Variants in RAB12 observed in about 807,000 individuals in gnomAD.
RAB12 encodes the protein RAB12, member RAS oncogene family, also known as ras-related protein Rab-12.
A neutral mutation model predicts 28.4 loss-of-function variants in RAB12; 11 were observed. That is an observed-to-expected ratio of 0.39 (90% CI 0.24 to 0.64). The LOEUF is 0.64. Ranked by LOEUF, RAB12 falls within the 30% of genes least tolerant of loss-of-function variation. RAB12 has a pLI of 0.50. For missense variants in RAB12, 276 were observed against 351.1 expected (o/e 0.79, Z 1.71); for synonymous variants, 138 against 145.3 (o/e 0.95, Z 0.36).
At chr18:8,618,234 C>G (rs908383688) in intron 1 of RAB12, among the ~76,000 whole-genome samples, 1 of 152,086 alleles carries the variant, frequency 6.6e-6, no homozygotes, top group South Asian at 2.1e-4. Flanking sequence ...TGGGTGGGAG[C>G]GTGCCAACCC....
rs184470375 is a variant in RAB12 at position 8,635,588 on chromosome 18, C to T, written c.770C>T (p.Thr257Met). 1.4e-5 allele frequency: 23 copies of T among 1,612,510 alleles called. No individual in the cohort carries two copies. The highest frequency in any genetic ancestry group is 1.0e-4 in the Admixed American group (6 of 59,766). The stretch of plus-strand genomic sequence containing the variant: ...GTTGGAAATAAGTTGGACTGTGAAA[C>T]GGACAGAGAAATCACCAGGCAGCAG... ...LLVGNKLDCE[T>M]DREITRQQGE... Residue 257 changes from threonine to methionine, a missense_variant, in exon 4 of 6, where the codon ACG (threonine) becomes ATG (methionine). By Grantham distance (81) the Thr-to-Met change is moderately conservative. Coordinates refer to ENST00000649141, the MANE Select transcript of RAB12 (RefSeq NM_001025300.3).
In RAB12 at chr18:8,609,632, C is replaced by T; in HGVS notation, c.193C>T (p.Arg65Cys). The change falls in exon 1 of 6, where the codon CGC becomes TGC. Residue 65 changes from arginine to cysteine, a missense_variant. Arg to Cys is a radical substitution (Grantham distance 180). Transcript: ENST00000649141. Reference sequence around the variant, plus strand: ...AGCCGAGCCCGGGGCCGACCCCCCGCGCGCGGCGGAGGCCGAGGGGGCGCC... The same window carrying T: ...AGCCGAGCCCGGGGCCGACCCCCCGTGCGCGGCGGAGGCCGAGGGGGCGCC... ...AEAEPGADPP[R>C]AAEAEGAPGP... 1.8e-6 allele frequency: 1 copy of T among 549,982 alleles called. No homozygotes were observed. The highest frequency in any genetic ancestry group is 2.3e-6 in the Non-Finnish European group (1 of 435,268). 34.1% of individuals were successfully genotyped at this position (549,982 alleles called of 1,614,324 possible).
intron 2 of RAB12, among the ~76,000 whole-genome samples, 161 bp downstream of exon 2, chr18:8,625,159 T>G (rs2096011975): frequency 6.6e-6 from 1 of 152,228 alleles, no homozygotes; most frequent in Admixed American, 6.5e-5. Context: ...AGAGAGAGAA[T>G]TTAGATAAGG....
In RAB12 at chr18:8,635,612, A is replaced by G. The variant is rs764033640; in HGVS notation, c.794A>G (p.Gln265Arg). 67 of 1,612,060 alleles carry G rather than the reference A, an allele frequency of 4.2e-5. No individual in the cohort carries two copies. The Admixed American group carries it at 5.4e-4, about 13-fold the overall frequency. ...CETDREITRQ[Q>R]GEKFAQQITG... ...ACGGACAGAGAAATCACCAGGCAGC[A>G]GGGGGAAAAGGTGAGAGGGCGTGGG... Residue 265 changes from glutamine (Q) to arginine (R), a missense_variant, in exon 4 of 6, where the codon CAG (glutamine) becomes CGG (arginine). Gln to Arg is a conservative substitution (Grantham distance 43). Coordinates refer to ENST00000649141, the MANE Select transcript of RAB12 (RefSeq NM_001025300.3).
intron 1 of RAB12, among the ~76,000 whole-genome samples, chr18:8,621,787 G>A (rs1037722303): frequency 6.9e-6 from 1 of 145,370 alleles, no homozygotes; most frequent in Non-Finnish European, 1.5e-5. Context: ...TCACCCTCAG[G>A]TAGGCCCCAG....
At chr18:8,624,446 T>C (rs2096011590) in intron 1 of RAB12, among the ~76,000 whole-genome samples, 1 of 152,238 alleles carries the variant, frequency 6.6e-6, no homozygotes, top group South Asian at 2.1e-4. Context: ...TAATGTTATG[T>C]TTATATTTAC....
At chr18:8,636,028 C>G (rs1193338865) in intron 4 of RAB12, among the ~76,000 whole-genome samples, 2 of 152,228 alleles carry the variant, frequency 1.3e-5, no homozygotes, top group African/African-American at 4.8e-5. Flanking sequence ...ACTGATTTGA[C>G]TGGAAGGTCC....
At chr18:8,611,820 A>G (rs530723201) in intron 1 of RAB12, among the ~76,000 whole-genome samples, 1 of 152,234 alleles carries the variant, frequency 6.6e-6, no homozygotes, top group African/African-American at 2.4e-5. Context: ...CATACTCCCT[A>G]CTCTGAGTGT....
chr18:8,623,936 A>G (rs1353300173), intron 1 of RAB12, among the ~76,000 whole-genome samples: 1 of 152,256 alleles, frequency 6.6e-6, no homozygotes, highest in Admixed American at 6.5e-5. Flanking sequence ...AAAATCGGTC[A>G]CATGTCTTCC....
intron 1 of RAB12, among the ~76,000 whole-genome samples, chr18:8,618,178 A>G (rs1213647597): frequency 6.6e-6 from 1 of 152,088 alleles, no homozygotes; most frequent in African/African-American, 2.4e-5. Context: ...AGTCAAGTGC[A>G]AGGCTGTCTC....
chr18:8,615,478 A>G (rs1660235347), intron 1 of RAB12, among the ~76,000 whole-genome samples: 1 of 152,200 alleles, frequency 6.6e-6, no homozygotes, highest in Admixed American at 6.5e-5. Context: ...ATTAAGGAAA[A>G]TCATCCAGAA....
chr18:8,633,378 AATC>A, intron 3 of RAB12, 51 bp downstream of exon 3: 1 of 1,590,198 alleles, frequency 6.3e-7, no homozygotes, highest in Non-Finnish European at 8.6e-7. Context: ...TGTGAGTCTT[AATC>A]ATTATTAAAA....
intron 1 of RAB12, among the ~76,000 whole-genome samples, chr18:8,612,957 T>TA (rs1220674246): frequency 6.6e-6 from 1 of 152,250 alleles, no homozygotes; most frequent in African/African-American, 2.4e-5. Flanking sequence ...TCCTGACCAG[T>TA]AAGTGCCCTT....
Position 8,632,282 on chromosome 18 carries a change from CAAAAAAAAAA to C in RAB12, c.576-896_576-887del, listed in dbSNP as rs397859076. Among the ~76,000 whole-genome samples the C allele has an allele frequency of 6.8e-5, 4 of 58,804 alleles. No individual in the cohort carries two copies. In the South Asian group the frequency reaches 2.0e-3, roughly 30 times the overall value. 38.6% of individuals were successfully genotyped at this position (58,804 alleles called of 152,430 possible). A position where few individuals can be genotyped will look rare whatever the true frequency, so the allele number is the denominator to read the frequency against. ...GGGTGACAGAGCTAGACTCTGTCTCCAAAAAAAAAAAAAAAAAAAAGTAATTGGGACTTAT... is the reference window on the plus strand; with the variant it reads ...GGGTGACAGAGCTAGACTCTGTCTCCAAAAAAAAAAGTAATTGGGACTTAT... On this transcript the variant is annotated intron_variant, in intron 2 of 5. Transcript: ENST00000649141.
intron 1 of RAB12, among the ~76,000 whole-genome samples, chr18:8,613,860 A>G: frequency 6.6e-6 from 1 of 151,808 alleles, no homozygotes; most frequent in South Asian, 2.1e-4. Flanking sequence ...TAGTAGTAGT[A>G]GTAGTAGTGG....
intron 1 of RAB12, among the ~76,000 whole-genome samples, chr18:8,619,944 C>T (rs2096008823): frequency 6.6e-6 from 1 of 151,972 alleles, no homozygotes; most frequent in African/African-American, 2.4e-5. Context: ...TGAGACCAGC[C>T]TGGGCAACAT....
At chr18:8,635,393 G>A (rs2096018283) in intron 3 of RAB12, 140 bp from the exon 4 acceptor site, 3 of 641,084 alleles carry the variant, frequency 4.7e-6, no homozygotes, top group Non-Finnish European at 8.1e-6. Flanking sequence ...GTCCTGCCTG[G>A]GAACTGGTAG....
intron 1 of RAB12, among the ~76,000 whole-genome samples, chr18:8,612,377 C>T (rs970742188): frequency 1.3e-5 from 2 of 152,036 alleles, no homozygotes; most frequent in Admixed American, 6.5e-5. Flanking sequence ...CTTACCTGAA[C>T]GCTTACCATT....
chr18:8,610,085 G>A, intron 1 of RAB12, 132 bp downstream of exon 1: 3 of 665,500 alleles, frequency 4.5e-6, no homozygotes, highest in East Asian at 3.2e-5. Flanking sequence ...CTAGGGGCGG[G>A]GGTCTCCTTG....
Sources: allele counts gnomAD v4.1 joint callset (sites outside exome capture counted in the v4.1 genomes callset), GRCh38; gene constraint gnomAD v4.1.1; transcripts MANE v1.5; gene names NCBI Gene and HGNC (gene_info 2026-07-23, HGNC 2026-07-21).